The following LRRC18 variants were observed in gnomAD, a reference collection of about 807,000 sequenced individuals.
The protein encoded by LRRC18 is leucine rich repeat containing 18.
LRRC18 carries 12 observed loss-of-function variants against 11.2 expected under a neutral mutation model. That is an observed-to-expected ratio of 1.07 (90% CI 0.69 to 1.74). The LOEUF is 1.74. Among genes scored for constraint, LRRC18 ranks in the 40% most tolerant of loss-of-function variants. LRRC18 has a pLI of 0.00. For missense variants in LRRC18, 374 were observed against 330.5 expected (o/e 1.13, Z -1.02); for synonymous variants, 155 against 130.6 (o/e 1.19, Z -1.27).
At chr10:48,916,421 G>A (rs1838539049), upstream of LRRC18, among the ~76,000 whole-genome samples, 1 of 152,098 alleles carries the variant, frequency 6.6e-6, no homozygotes, top group Admixed American at 6.6e-5. Context: ...CTCATCCCAG[G>A]CCACCCTGTA....
At chr10:48,911,425 T>C (rs1325547246) in intron 1 of LRRC18, among the ~76,000 whole-genome samples, 1 of 152,374 alleles carries the variant, frequency 6.6e-6, no homozygotes, top group East Asian at 1.9e-4. Context: ...ATAATGAGGC[T>C]ATGCCAAGGA....
intron 1 of LRRC18, among the ~76,000 whole-genome samples, chr10:48,911,325 G>A (rs965608167): frequency 2.6e-5 from 4 of 152,170 alleles, no homozygotes; most frequent in African/African-American, 7.2e-5. Flanking sequence ...TACGTTACTG[G>A]TAGGCGTATG....
the LRRC18 span, among the ~76,000 whole-genome samples, chr10:48,928,532 A>C: frequency 6.6e-6 from 1 of 151,988 alleles, no homozygotes; most frequent in South Asian, 2.1e-4. Context: ...ATGGACCGTG[A>C]CCCCTGCCTC....
At chr10:48,930,710 C>T in the LRRC18 span, among the ~76,000 whole-genome samples, 113,943 of 152,028 alleles carry the variant, frequency 0.75, 45,115 homozygotes, top group East Asian at 1. Flanking sequence ...AGAAACAACC[C>T]AAATATCTAA....
upstream of LRRC18, among the ~76,000 whole-genome samples, chr10:48,917,895 T>C (rs1838695272): frequency 6.6e-6 from 1 of 152,222 alleles, no homozygotes; most frequent in African/African-American, 2.4e-5. Context: ...AAACTAACAC[T>C]GTGTGATGGA....
At chr10:48,923,520 A>ATATATATATATAT in the LRRC18 span, among the ~76,000 whole-genome samples, 1 of 99,732 alleles carries the variant, frequency 1.0e-5, no homozygotes, top group African/African-American at 2.9e-5. Flanking sequence ...ATATGTCCCA[A>ATATATATATATAT]ATACCGCATA....
upstream of LRRC18, among the ~76,000 whole-genome samples, chr10:48,919,100 G>A (rs1246019456): frequency 1.3e-5 from 2 of 152,028 alleles, no homozygotes; most frequent in East Asian, 3.9e-4. Context: ...CGAATTTAAA[G>A]GAGTTGAAAT....
At chr10:48,913,943 C>T (rs1838255783) in exon 1 of LRRC18, 1 of 1,614,118 alleles carries the variant, frequency 6.2e-7, no homozygotes, top group East Asian at 2.2e-5. Flanking sequence ...GGTTCTGGAA[C>T]TTGGAGATGG....
At chr10:48,932,359 A>T in the LRRC18 span, 1 of 152,232 alleles carries the variant, frequency 6.6e-6, no homozygotes, top group Non-Finnish European at 1.5e-5. Context: ...ATCTTTGCTG[A>T]TTCCCAAATA....
At chr10:48,913,745 G>A (rs1838232764) in exon 1 of LRRC18, 1 of 1,613,816 alleles carries the variant, frequency 6.2e-7, no homozygotes. Flanking sequence ...CCAGTGTGGT[G>A]GGCACGCTGT....
the LRRC18 span, among the ~76,000 whole-genome samples, chr10:48,936,450 A>G: frequency 6.6e-6 from 1 of 152,196 alleles, no homozygotes; most frequent in South Asian, 2.1e-4. Flanking sequence ...TATAAAAATC[A>G]TAAAGCACAT....
At chr10:48,926,008 A>G in the LRRC18 span, among the ~76,000 whole-genome samples, 2 of 152,206 alleles carry the variant, frequency 1.3e-5, no homozygotes, top group Non-Finnish European at 2.9e-5. Flanking sequence ...GAATACAGCC[A>G]AAGTCAAACC....
chr10:48,931,290 G>A, the LRRC18 span, among the ~76,000 whole-genome samples: 2 of 152,206 alleles, frequency 1.3e-5, no homozygotes, highest in Non-Finnish European at 2.9e-5. Context: ...GGTTGCCTGA[G>A]GCAGCCAGTG....
upstream of LRRC18, among the ~76,000 whole-genome samples, chr10:48,916,794 T>G (rs1377693431): frequency 6.6e-6 from 1 of 151,262 alleles, no homozygotes; most frequent in Middle Eastern, 3.2e-3. Flanking sequence ...AAGAGTATAC[T>G]TACACAAACC....
At chr10:48,917,249 G>T (rs1838634723), upstream of LRRC18, among the ~76,000 whole-genome samples, 1 of 152,182 alleles carries the variant, frequency 6.6e-6, no homozygotes, top group African/African-American at 2.4e-5. Flanking sequence ...AGTGACATGT[G>T]CCTCTATCTC....
chr10:48,917,461 C>T (rs192919520), upstream of LRRC18, among the ~76,000 whole-genome samples: 41 of 152,302 alleles, frequency 2.7e-4, no homozygotes, highest in Middle Eastern at 6.8e-3. Flanking sequence ...CATAATCAAA[C>T]TGCTCCAAAT....
At chr10:48,910,355 C>A in intron 1 of LRRC18, 97 bp from the exon 4 acceptor site, 22 of 1,064,638 alleles carry the variant, frequency 2.1e-5, no homozygotes, top group Non-Finnish European at 3.2e-5. Context: ...AAGGTCATGC[C>A]TGACCTTCAG....
chr10:48,928,599 T>A, the LRRC18 span, among the ~76,000 whole-genome samples: 1 of 152,210 alleles, frequency 6.6e-6, no homozygotes, highest in Non-Finnish European at 1.5e-5. Context: ...ACATTGCTCC[T>A]TTGAGCTGCA....
At chr10:48,923,412 A>T in the LRRC18 span, among the ~76,000 whole-genome samples, 1 of 150,972 alleles carries the variant, frequency 6.6e-6, no homozygotes, top group Non-Finnish European at 1.5e-5. Context: ...GCTTCTCCCC[A>T]TGGTAGATTT....
Sources: allele counts gnomAD v4.1 joint callset (sites outside exome capture counted in the v4.1 genomes callset), GRCh38; gene constraint gnomAD v4.1.1; transcripts MANE v1.5; gene names NCBI Gene and HGNC (gene_info 2026-07-23, HGNC 2026-07-21).